The following FSHR variants were observed in gnomAD, a reference collection of about 807,000 sequenced individuals.
FSHR encodes follicle-stimulating hormone receptor.
FSHR carries 46 observed loss-of-function variants against 52.1 expected under a neutral mutation model. The observed-to-expected ratio is 0.88, with a 90% CI of 0.70 to 1.13. The LOEUF is 1.13. Among genes scored for constraint, FSHR ranks in the 50% most tolerant of loss-of-function variants. FSHR has a pLI of 0.00. For missense variants in FSHR, 964 were observed against 834.6 expected, an observed-to-expected ratio of 1.16 and a Z score of -1.91; for synonymous variants, 399 against 309.6, an observed-to-expected ratio of 1.29 and a Z score of -3.03.
At chr2:49,004,285 G>T (rs1667005181) in intron 4 of FSHR, among the ~76,000 whole-genome samples, 1 of 152,176 alleles carries the variant, frequency 6.6e-6, no homozygotes, top group African/African-American at 2.4e-5. Flanking sequence ...TTAGCTCTAG[G>T]AGCTGCACTT....
At chr2:49,113,693 G>A (rs1002953407) in intron 1 of FSHR, among the ~76,000 whole-genome samples, 12 of 151,966 alleles carry the variant, frequency 7.9e-5, no homozygotes, top group Admixed American at 2.6e-4. Flanking sequence ...TATTAGAGAC[G>A]TAGCATCTGG....
At chr2:49,038,824 A>T (rs144113818) in intron 2 of FSHR, among the ~76,000 whole-genome samples, 201 of 152,080 alleles carry the variant, frequency 1.3e-3, no homozygotes, top group African/African-American at 4.5e-3. Flanking sequence ...TTGAGACTTC[A>T]TAAATATATT....
chr2:48,986,526 C>T (rs1487918136), intron 6 of FSHR, among the ~76,000 whole-genome samples: 1 of 150,636 alleles, frequency 6.6e-6, no homozygotes, highest in South Asian at 2.1e-4. Context: ...ATTTTATTGT[C>T]TATGGATTAA....
At chr2:49,090,957 T>G (rs1670584228) in intron 1 of FSHR, among the ~76,000 whole-genome samples, 2 of 152,246 alleles carry the variant, frequency 1.3e-5, no homozygotes, top group South Asian at 2.1e-4. Context: ...TAAAAAAATT[T>G]TTTTTCTTGT....
At chr2:49,148,190 A>G (rs751229081) in intron 1 of FSHR, among the ~76,000 whole-genome samples, 1 of 152,114 alleles carries the variant, frequency 6.6e-6, no homozygotes, top group East Asian at 1.9e-4. Context: ...ACGTAAGTCA[A>G]GAGAATTGAA....
chr2:49,028,188 GT>G (rs1485900833), intron 2 of FSHR, among the ~76,000 whole-genome samples: 1 of 152,184 alleles, frequency 6.6e-6, no homozygotes, highest in Non-Finnish European at 1.5e-5. Flanking sequence ...ACACTTGTAA[GT>G]TTGAGTTGTG....
At chr2:49,129,417 A>C (rs1478567854) in intron 1 of FSHR, among the ~76,000 whole-genome samples, 1 of 152,184 alleles carries the variant, frequency 6.6e-6, no homozygotes, top group Non-Finnish European at 1.5e-5. Flanking sequence ...TCAGTACTAG[A>C]ATAGTCAATA....
At chr2:49,072,650 A>G (rs1212751750) in intron 1 of FSHR, among the ~76,000 whole-genome samples, 1 of 151,992 alleles carries the variant, frequency 6.6e-6, no homozygotes, top group Non-Finnish European at 1.5e-5. Context: ...TAGACATTAT[A>G]ATTTCATATT....
intron 4 of FSHR, among the ~76,000 whole-genome samples, chr2:49,004,316 G>A (rs1051657497): frequency 6.6e-6 from 1 of 152,176 alleles, no homozygotes; most frequent in Non-Finnish European, 1.5e-5. Context: ...TAATTTATGA[G>A]TAATTTACAG....
chr2:49,044,545 C>G (rs563133773), intron 2 of FSHR, among the ~76,000 whole-genome samples: 1 of 152,178 alleles, frequency 6.6e-6, no homozygotes, highest in African/African-American at 2.4e-5. Context: ...CAGACCAGCA[C>G]AGATTTCATT....
chr2:48,969,408 G>T (rs762762137), intron 8 of FSHR, among the ~76,000 whole-genome samples: 1 of 152,242 alleles, frequency 6.6e-6, no homozygotes, highest in Admixed American at 6.5e-5. Flanking sequence ...CCAAGTGGCA[G>T]TACAGAGTGG....
chr2:49,067,673 C>T (rs563948410), intron 2 of FSHR, among the ~76,000 whole-genome samples: 12 of 152,102 alleles, frequency 7.9e-5, no homozygotes, highest in South Asian at 6.2e-4. Flanking sequence ...ATTAGACTAG[C>T]GCAATGTGAA....
At chr2:49,115,027 T>C (rs1442644555) in intron 1 of FSHR, among the ~76,000 whole-genome samples, 1 of 151,274 alleles carries the variant, frequency 6.6e-6, no homozygotes, top group Non-Finnish European at 1.5e-5. Context: ...CCTTAGAACA[T>C]GATCCAATGA....
At chr2:49,030,729 G>A (rs1558400673) in intron 2 of FSHR, among the ~76,000 whole-genome samples, 1 of 151,964 alleles carries the variant, frequency 6.6e-6, no homozygotes, top group Non-Finnish European at 1.5e-5. Context: ...GAAATTTACA[G>A]GTCTGTATTC....
chr2:49,094,266 G>C lies in FSHR; in HGVS notation c.153-25976C>G, dbSNP rs1049531114. ...ACCATTAAGCTCCTCCCTCCATGTT[G>C]TAATTGTCATAGGCATTTTATTTGC... On this transcript the variant is annotated intron_variant, in intron 1 of 9. Coordinates refer to ENST00000406846, the MANE Select transcript of FSHR (RefSeq NM_000145.4). Among the ~76,000 whole-genome samples, 3 of 152,070 alleles carry C rather than the reference G, an allele frequency of 2.0e-5. No individual in the cohort carries two copies. In the East Asian group the frequency reaches 5.8e-4, roughly 29 times the overall value.
chr2:49,053,428 C>T (rs1668941081), intron 2 of FSHR, among the ~76,000 whole-genome samples: 1 of 152,134 alleles, frequency 6.6e-6, no homozygotes, highest in Non-Finnish European at 1.5e-5. Context: ...CCTACTCCCC[C>T]CACCCTATTC....
intron 5 of FSHR, 148 bp from the exon 6 acceptor site, chr2:48,989,202 G>A (rs773373227): frequency 1.4e-5 from 8 of 591,706 alleles, no homozygotes; most frequent in Admixed American, 1.3e-4. Flanking sequence ...TCAGCTCAAA[G>A]TTTGGAGAAA....
intron 1 of FSHR, among the ~76,000 whole-genome samples, chr2:49,080,112 C>T (rs1670111831): frequency 6.6e-6 from 1 of 152,116 alleles, no homozygotes; most frequent in South Asian, 2.1e-4. Flanking sequence ...AGATGTTCAT[C>T]TTCAGTAGTA....
intron 1 of FSHR, among the ~76,000 whole-genome samples, chr2:49,101,145 A>C (rs571319947): frequency 1.3e-5 from 2 of 152,300 alleles, no homozygotes; most frequent in Admixed American, 6.5e-5. Context: ...AAGATGTGGA[A>C]AAGTTAAGGA....
Sources: allele counts gnomAD v4.1 joint callset (sites outside exome capture counted in the v4.1 genomes callset), GRCh38; gene constraint gnomAD v4.1.1; transcripts MANE v1.5; gene names NCBI Gene and HGNC (gene_info 2026-07-23, HGNC 2026-07-21).